Variants in YY1 observed in about 807,000 individuals in gnomAD.
The protein encoded by YY1 is transcriptional repressor protein YY1.
A neutral mutation model predicts 35.6 loss-of-function variants in YY1; 2 were observed. That is an observed-to-expected ratio of 0.06 (90% CI 0.02 to 0.18). The LOEUF (loss-of-function observed/expected upper bound fraction) is 0.18. Ranked by LOEUF, YY1 falls within the 10% of genes least tolerant of loss-of-function variation. YY1 has a pLI of 1.00. For synonymous variants in YY1, 268 were observed against 238.9 expected (o/e 1.12, Z -1.12); for missense variants, 322 against 573.4 (o/e 0.56, Z 4.48).
chr14:100,246,784 G>A (rs1252718798), intron 1 of YY1, among the ~76,000 whole-genome samples: 2 of 152,102 alleles, frequency 1.3e-5, no homozygotes, highest in African/African-American at 2.4e-5. Context: ...TAGAAACTGC[G>A]CTGTTTATCA....
intron 1 of YY1, among the ~76,000 whole-genome samples, chr14:100,256,987 T>A (rs922734192): frequency 6.6e-6 from 1 of 152,174 alleles, no homozygotes; most frequent in African/African-American, 2.4e-5. Flanking sequence ...TTCTTTCATA[T>A]ATTTTTTTGG....
At chr14:100,266,268 G>A (rs959845105) in intron 2 of YY1, among the ~76,000 whole-genome samples, 3 of 152,094 alleles carry the variant, frequency 2.0e-5, no homozygotes, top group Non-Finnish European at 4.4e-5. Context: ...GAGGGTAAGA[G>A]GTCCCAGTGG....
At chr14:100,248,979 G>T (rs899640470) in intron 1 of YY1, among the ~76,000 whole-genome samples, 6 of 151,778 alleles carry the variant, frequency 4.0e-5, no homozygotes, top group African/African-American at 1.5e-4. Context: ...TAGCCATCAC[G>T]CCCAGCCAAG....
rs921478045 is a variant in YY1, at chr14:100,244,945, AT to A, written c.679+5031del. Among the ~76,000 whole-genome samples the A allele has an allele frequency of 7.0e-4, 99 of 142,306 alleles. 2 individuals are homozygous for A. Among genetic ancestry groups the A allele is most frequent in the Non-Finnish European group, 1.9e-4 (12 of 64,754 alleles). 93.4% of individuals were successfully genotyped at this position (142,306 alleles called of 152,430 possible). On this transcript the variant is annotated intron_variant, in intron 1 of 4. Coordinates refer to ENST00000262238, the MANE Select transcript of YY1 (RefSeq NM_003403.5). ...TTTATTTATTTATTTTTTATTTCTT[AT>A]TTTTTTTTGAGACAGAATCTCGCTC...
intron 1 of YY1, among the ~76,000 whole-genome samples, chr14:100,256,154 A>C (rs931811135): frequency 9.2e-5 from 14 of 151,862 alleles, no homozygotes; most frequent in African/African-American, 1.5e-4. Context: ...AAAAAAAAAA[A>C]CATCTATATG....
intron 2 of YY1, among the ~76,000 whole-genome samples, chr14:100,272,474 A>C (rs2139600274): frequency 6.6e-6 from 1 of 152,334 alleles, no homozygotes; most frequent in East Asian, 1.9e-4. Flanking sequence ...TTCAGGTTAC[A>C]GATCAGGTCA....
chr14:100,276,145 A>G lies in YY1; in HGVS notation c.904-345A>G, dbSNP rs916961100. ...CTTCTGTTACTTCATTTTGGGGGACATAGTCGGGTGAGGTGGCTGTGGTAG... is the reference window on the plus strand; with the variant it reads ...CTTCTGTTACTTCATTTTGGGGGACGTAGTCGGGTGAGGTGGCTGTGGTAG... On this transcript the variant is annotated intron_variant, in intron 3 of 4. Coordinates refer to ENST00000262238, the MANE Select transcript of YY1 (RefSeq NM_003403.5). The surrounding 1 kb of genome is among the most constrained non-coding windows in gnomAD (Gnocchi z 4.1). 5.8e-6 allele frequency: 2 copies of G among 347,526 alleles called. No individual in the cohort carries two copies. The highest frequency in any genetic ancestry group is 4.3e-5 in the African/African-American group (2 of 46,962). The allele number at this position is 347,526 out of a possible 1,614,324, so 21.5% of individuals were successfully genotyped here.
chr14:100,241,207 C>T (rs1368275119), intron 1 of YY1, among the ~76,000 whole-genome samples: 2 of 152,278 alleles, frequency 1.3e-5, no homozygotes, highest in Admixed American at 1.3e-4. Flanking sequence ...TAATCTAATG[C>T]CTGTGATGAT....
chr14:100,248,311 A>G (rs1020674779), intron 1 of YY1, among the ~76,000 whole-genome samples: 20 of 151,390 alleles, frequency 1.3e-4, no homozygotes, highest in African/African-American at 4.6e-4. Flanking sequence ...TTTAGTAGAG[A>G]TGGGGTTTCA....
chr14:100,280,925 G>A lies in YY1; in HGVS notation c.*3325G>A, dbSNP rs1891412121. ...GGAAAACCTGGCCCCCTAAAAAGAA[G>A]TTTTGGAATTGGAAGCCTGATAATT... On this transcript the variant is annotated 3_prime_UTR_variant, in exon 5 of 5. Transcript: ENST00000262238. 1 of 152,024 alleles carries A rather than the reference G, an allele frequency of 6.6e-6. No homozygotes were observed. Among genetic ancestry groups the A allele is most frequent in the Non-Finnish European group, 1.5e-5 (1 of 68,008 alleles). 9.4% of individuals were successfully genotyped at this position (152,024 alleles called of 1,614,324 possible).
chr14:100,248,812 C>T lies in YY1; in HGVS notation c.679+8889C>T, dbSNP rs143079436. ...ACACCATTCTCCTTCCTCAGCCTCC[C>T]GAGTAGCTGGGACTACAGGCGCCCA... On this transcript the variant is annotated intron_variant, in intron 1 of 4. Coordinates refer to ENST00000262238, the MANE Select transcript of YY1 (RefSeq NM_003403.5). 5.3e-3 allele frequency among the ~76,000 whole-genome samples: 796 copies of T among 151,436 alleles called. 8 individuals carry two copies. Among genetic ancestry groups the T allele is most frequent in the African/African-American group, 0.018 (749 of 41,222 alleles).
Position 100,239,572 on chromosome 14 carries a change from G to A in YY1, c.328G>A (p.Glu110Lys). 1 of 1,612,668 alleles carries A rather than the reference G, an allele frequency of 6.2e-7. No individual in the cohort carries two copies. The highest frequency in any genetic ancestry group is 8.5e-7 in the Non-Finnish European group (1 of 1,179,696). The change falls in exon 1 of 5, where the codon GAG becomes AAG. Residue 110 changes from glutamate to lysine, a missense_variant. Physicochemically the swap from Glu to Lys is moderately conservative, Grantham distance 56. Around this residue, in one of 4 missense-constraint regions of YY1, gnomAD observed 137 missense variants for 167.0 expected, o/e 0.82. Coordinates refer to ENST00000262238, the MANE Select transcript of YY1 (RefSeq NM_003403.5). Reference sequence around the variant, plus strand: ...GGAGGTGATCCTGGTGCAGACGCGCGAGGAGGTGGTGGGCGGCGACGACTC... The same window carrying A: ...GGAGGTGATCCTGGTGCAGACGCGCAAGGAGGTGGTGGGCGGCGACGACTC... ...HQEVILVQTREEVVGGDDSDG... is the reference protein window; with the variant it reads ...HQEVILVQTRKEVVGGDDSDG...
intron 2 of YY1, 142 bp downstream of exon 2, chr14:100,262,608 T>C (rs1246497597): frequency 2.1e-6 from 2 of 971,626 alleles, no homozygotes; most frequent in South Asian, 1.6e-5. Context: ...GTCAGTTTTA[T>C]TTGTTTGTTT....
At chr14:100,273,352 G>A (rs536314368) in intron 2 of YY1, among the ~76,000 whole-genome samples, 62 of 152,264 alleles carry the variant, frequency 4.1e-4, no homozygotes, top group African/African-American at 1.3e-3. Flanking sequence ...CAGTGACACA[G>A]TCATGGCTTA....
In YY1 at chr14:100,239,602, G is replaced by C. The variant is rs759906771; in HGVS notation, c.358G>C (p.Gly120Arg). 1.2e-6 allele frequency: 2 copies of C among 1,612,224 alleles called. No homozygotes were observed. The highest frequency in any genetic ancestry group is 1.1e-5 in the South Asian group (1 of 91,052). Reference sequence around the variant, plus strand: ...GGTGGTGGGCGGCGACGACTCGGACGGGCTGCGCGCCGAGGACGGCTTCGA... The same window carrying C: ...GGTGGTGGGCGGCGACGACTCGGACCGGCTGCGCGCCGAGGACGGCTTCGA... ...EEVVGGDDSD[G>R]LRAEDGFEDQ... The change falls in exon 1 of 5, where the codon GGG becomes CGG. Residue 120 changes from glycine (G) to arginine (R), a missense_variant. Around this residue, in one of 4 missense-constraint regions of YY1, gnomAD observed 7 missense variants for 26.7 expected, o/e 0.26. Transcript: ENST00000262238.
intron 1 of YY1, among the ~76,000 whole-genome samples, chr14:100,242,329 T>C (rs748415271): frequency 9.9e-5 from 15 of 151,868 alleles, no homozygotes; most frequent in Non-Finnish European, 1.8e-4. Flanking sequence ...CAATTTACAA[T>C]TAAGTGAGCA....
chr14:100,239,556 C>T lies in YY1; in HGVS notation c.312C>T (p.Ile104=), dbSNP rs780828297. The T allele has an allele frequency of 3.7e-6, 6 of 1,612,648 alleles. No homozygotes were observed. Among genetic ancestry groups the T allele is most frequent in the Non-Finnish European group, 2.5e-6 (3 of 1,179,706 alleles). The change falls in exon 1 of 5, where the codon ATC becomes ATT. Residue 104 remains isoleucine, a synonymous_variant. Transcript: ENST00000262238. Reference sequence around the variant, plus strand: ...AGGTGCACCACCACCAGGAGGTGATCCTGGTGCAGACGCGCGAGGAGGTGG... The same window carrying T: ...AGGTGCACCACCACCAGGAGGTGATTCTGGTGCAGACGCGCGAGGAGGTGG... ...PTQVHHHQEV[I]LVQTREEVVG...
chr14:100,248,121 C>CTTTTCTTT lies in YY1; in HGVS notation c.679+8202_679+8203insCTTTTTTT, dbSNP rs772049697. On this transcript the variant is annotated intron_variant, in intron 1 of 4. Transcript: ENST00000262238. ...CACCACGCCCGGCTAATTTTTTTTT[C>CTTTTCTTT]TTTTTTTTTTTTTTGAGACAGTCTC... is the stretch of plus-strand genomic sequence containing the variant. Among the ~76,000 whole-genome samples, 474 of 117,624 alleles carry CTTTTCTTT rather than the reference C, an allele frequency of 4.0e-3. 7 individuals carry two copies. The highest frequency in any genetic ancestry group is 6.3e-3 in the Non-Finnish European group (383 of 60,504). 77.2% of individuals were successfully genotyped at this position (117,624 alleles called of 152,430 possible).
At chr14:100,240,691 G>A (rs1890724199) in intron 1 of YY1, among the ~76,000 whole-genome samples, 1 of 152,216 alleles carries the variant, frequency 6.6e-6, no homozygotes, top group Admixed American at 6.5e-5. Context: ...GCCTGTCACC[G>A]CCGTTGCCAG....
Sources: gnomAD v4.1 joint callset for allele counts (sites outside exome capture counted in the v4.1 genomes callset) on GRCh38, gnomAD v4.1.1 for gene constraint, gnomAD v4.1.1 regional missense constraint, Gnocchi (gnomAD v3.1) non-coding constraint, MANE v1.5 for transcripts, NCBI Gene and HGNC (gene_info 2026-07-23, HGNC 2026-07-21) for gene names.